The following ST6GALNAC4 variants were observed in gnomAD, a reference collection of about 807,000 sequenced individuals.
ST6GALNAC4 encodes the protein alpha-N-acetyl-neuraminyl-2,3-beta-galactosyl-1,3-N-acetyl-galactosaminide alpha-2,6-sialyltransferase.
Under a neutral mutation model 30.4 loss-of-function variants are expected in ST6GALNAC4, and 24 were observed. The ratio of observed to expected loss-of-function variants is 0.79; its 90% CI spans 0.57 to 1.11. ST6GALNAC4 has a LOEUF of 1.11. ST6GALNAC4 is among the 50% of genes most tolerant of loss of function. ST6GALNAC4 has a pLI of 0.00. For synonymous variants in ST6GALNAC4, 156 were observed against 179.7 expected (o/e 0.87, Z 1.05); for missense variants, 365 against 430.1 (o/e 0.85, Z 1.34).
In ST6GALNAC4 at chr9:127,908,248, T is replaced by A; in HGVS notation, c.*144A>T. Reference sequence around the variant, plus strand: ...GAGATGGCTCCAAGTGTCGCCAGAATGGGGCGGGAAGGAACCTTAGGTCCA... The same window carrying A: ...GAGATGGCTCCAAGTGTCGCCAGAAAGGGGCGGGAAGGAACCTTAGGTCCA... On this transcript the variant is annotated 3_prime_UTR_variant, in exon 6 of 6. Transcript: ENST00000335791. 1.5e-6 allele frequency: 1 copy of A among 677,734 alleles called. No individual in the cohort carries two copies. The highest frequency in any genetic ancestry group is 2.1e-6 in the Non-Finnish European group (1 of 468,194). The allele number at this position is 677,734 out of a possible 1,614,324, so 42.0% of individuals were successfully genotyped here.
At chr9:127,912,082 T>A (rs1417781394) in intron 4 of ST6GALNAC4, among the ~76,000 whole-genome samples, 186 bp downstream of exon 4, 11 of 152,210 alleles carry the variant, frequency 7.2e-5, no homozygotes, top group Admixed American at 2.0e-4. Context: ...ATTCTAGATC[T>A]GTGTGACAGT....
chr9:127,908,326 T>A lies in ST6GALNAC4; in HGVS notation c.*66A>T. The A allele has an allele frequency of 7.0e-7, 1 of 1,427,776 alleles. No individual in the cohort carries two copies. The highest frequency in any genetic ancestry group is 1.5e-5 in the South Asian group (1 of 64,554). 88.4% of individuals were successfully genotyped at this position (1,427,776 alleles called of 1,614,324 possible). A position where few individuals can be genotyped will look rare whatever the true frequency, so the allele number is the denominator to read the frequency against. On this transcript the variant is annotated 3_prime_UTR_variant, in exon 6 of 6. Transcript: ENST00000335791. Reference sequence around the variant, plus strand: ...ATAAATTAAATGTTTTTGTGGAGTGTGATGGCTTGGGATGGGACATCCCGG... The same window carrying A: ...ATAAATTAAATGTTTTTGTGGAGTGAGATGGCTTGGGATGGGACATCCCGG...
chr9:127,908,200 C>T lies in ST6GALNAC4; in HGVS notation c.*192G>A, dbSNP rs1272410116. 13 of 275,698 alleles carry T rather than the reference C, an allele frequency of 4.7e-5. No homozygotes were observed. The allele number at this position is 275,698 out of a possible 1,614,324, so 17.1% of individuals were successfully genotyped here. On this transcript the variant is annotated 3_prime_UTR_variant, in exon 6 of 6. Coordinates refer to ENST00000335791, the MANE Select transcript of ST6GALNAC4 (RefSeq NM_175039.4). ...GGGGGAGACACGGCTCCCCCCTCCACTCCCCTTCAAGTCATGAGGCCTGAG... is the reference window on the plus strand; with the variant it reads ...GGGGGAGACACGGCTCCCCCCTCCATTCCCCTTCAAGTCATGAGGCCTGAG...
intron 4 of ST6GALNAC4, among the ~76,000 whole-genome samples, chr9:127,911,963 TAGAC>T (rs1251052257): frequency 6.6e-6 from 1 of 152,232 alleles, no homozygotes; most frequent in African/African-American, 2.4e-5. Flanking sequence ...GAGACCAAGT[TAGAC>T]AGACCATTCC....
Position 127,914,864 on chromosome 9 carries a change from G to C in ST6GALNAC4, c.13-23C>G, listed in dbSNP as rs375730478. On this transcript the variant is annotated intron_variant, in intron 2 of 5. Transcript: ENST00000335791. ...ACCCTGAGGGAGACAGTGGCCATGG[G>C]GGGGTGTATGTGGGGAGGGGCTCCC... 2.2e-5 allele frequency: 32 copies of C among 1,449,872 alleles called. No individual in the cohort carries two copies. In the African/African-American group the frequency reaches 2.6e-4, roughly 12 times the overall value. The allele number at this position is 1,449,872 out of a possible 1,614,324, so 89.8% of individuals were successfully genotyped here. A position where few individuals can be genotyped will look rare whatever the true frequency, so the allele number is the denominator to read the frequency against.
Position 127,912,581 on chromosome 9 carries a change from C to T in ST6GALNAC4, c.298G>A (p.Val100Met), listed in dbSNP as rs764607427. 1.7e-5 allele frequency: 27 copies of T among 1,611,808 alleles called. No individual in the cohort carries two copies. The highest frequency in any genetic ancestry group is 2.2e-5 in the East Asian group (1 of 44,886). ...LGAEIDSAEC[V>M]FRMNQAPTVG... is the part of the protein sequence containing the mutation. ...GTGGGCGCCTGGTTCATGCGGAACA[C>T]GCACTCGGCACTGTCGATCTCAGCA... is the stretch of plus-strand genomic sequence containing the variant. Residue 100 changes from valine to methionine, a missense_variant, in exon 4 of 6, where the codon GTG becomes ATG. Coordinates refer to ENST00000335791, the MANE Select transcript of ST6GALNAC4 (RefSeq NM_175039.4).
chr9:127,910,753 C>T (rs1035573163), intron 4 of ST6GALNAC4, among the ~76,000 whole-genome samples: 1 of 152,192 alleles, frequency 6.6e-6, no homozygotes, highest in East Asian at 1.9e-4. Flanking sequence ...TGAGCCCCAC[C>T]CAGGCCCTGT....
intron 3 of ST6GALNAC4, 48 bp downstream of exon 3, chr9:127,914,608 A>G: frequency 3.3e-6 from 5 of 1,500,890 alleles, no homozygotes; most frequent in Admixed American, 2.1e-5. Context: ...GTTTGGGACA[A>G]GCCCAGCTCT....
chr9:127,911,650 C>T (rs1376213907), intron 4 of ST6GALNAC4, among the ~76,000 whole-genome samples: 1 of 152,198 alleles, frequency 6.6e-6, no homozygotes, highest in East Asian at 1.9e-4. Context: ...CCACACCCGG[C>T]TAATTTTTGT....
intron 5 of ST6GALNAC4, among the ~76,000 whole-genome samples, chr9:127,909,190 C>A (rs1018180812): frequency 1.3e-5 from 2 of 152,090 alleles, no homozygotes; most frequent in South Asian, 2.1e-4. Context: ...GAGTTCCAGA[C>A]CAGCCTGGCC....
In ST6GALNAC4 at chr9:127,916,423, G is replaced by A; in HGVS notation, c.-4C>T. On this transcript the variant is annotated 5_prime_UTR_variant, in exon 2 of 6. Transcript: ENST00000335791. ...TCCCACTTACCGGAGCCTTCATGCT[G>A]TCGCTGTCCCTCAGTAGTCTAGGGG... The A allele has an allele frequency of 1.2e-6, 2 of 1,614,198 alleles. No homozygotes were observed. Among genetic ancestry groups the A allele is most frequent in the Non-Finnish European group, 1.7e-6 (2 of 1,180,032 alleles).
At chr9:127,915,220 G>A (rs1831170527) in intron 2 of ST6GALNAC4, among the ~76,000 whole-genome samples, 1 of 152,222 alleles carries the variant, frequency 6.6e-6, no homozygotes, top group African/African-American at 2.4e-5. Flanking sequence ...CTCTGGGCCT[G>A]TTTCCTCCTC....
At chr9:127,910,128 C>T in intron 4 of ST6GALNAC4, 70 bp from the exon 5 acceptor site, 6 of 1,572,794 alleles carry the variant, frequency 3.8e-6, no homozygotes, top group Non-Finnish European at 5.2e-6. Context: ...GCCCCAGCAG[C>T]ACTTGGTACT....
At chr9:127,913,879 A>G (rs1455948722) in intron 3 of ST6GALNAC4, among the ~76,000 whole-genome samples, 1 of 152,164 alleles carries the variant, frequency 6.6e-6, no homozygotes, top group Non-Finnish European at 1.5e-5. Context: ...GCTCACCAGG[A>G]TGTACCCCGG....
At chr9:127,910,230 G>T in intron 4 of ST6GALNAC4, 172 bp from the exon 5 acceptor site, 1 of 1,411,452 alleles carries the variant, frequency 7.1e-7, no homozygotes, top group Non-Finnish European at 9.2e-7. Context: ...CCAGCAGTGG[G>T]TGACAGGCAG....
At chr9:127,914,921 T>C in intron 2 of ST6GALNAC4, 80 bp from the exon 3 acceptor site, 1 of 1,323,724 alleles carries the variant, frequency 7.6e-7, no homozygotes, top group South Asian at 1.7e-5. Flanking sequence ...CCTGGCCTCC[T>C]GGGTCTAGAG....
intron 4 of ST6GALNAC4, 88 bp from the exon 5 acceptor site, chr9:127,910,146 C>T (rs942167171): frequency 2.6e-6 from 4 of 1,535,100 alleles, no homozygotes; most frequent in Non-Finnish European, 3.5e-6. Context: ...ACTTTGCCAG[C>T]CCGGGGCTAT....
rs76082469 is a variant in ST6GALNAC4 at position 127,914,797 on chromosome 9, G to A, written c.57C>T (p.Ala19=). 55 of 1,586,508 alleles carry A rather than the reference G, an allele frequency of 3.5e-5. No homozygotes were observed. In the African/African-American group the frequency reaches 5.9e-4, roughly 17 times the overall value. Reference sequence around the variant, plus strand: ...CCCAGCAGCACAGGAGGATGTAGACGGCAGAGAAGACCACGGAGCACAGGA... The same window carrying A: ...CCCAGCAGCACAGGAGGATGTAGACAGCAGAGAAGACCACGGAGCACAGGA... The part of the protein sequence containing the change: ...LIILCSVVFS[A]VYILLCCWAG... Residue 19 remains alanine (A), a synonymous_variant, in exon 3 of 6, where the codon GCC becomes GCT. Coordinates refer to ENST00000335791, the MANE Select transcript of ST6GALNAC4 (RefSeq NM_175039.4).
chr9:127,915,191 G>A (rs540077858), intron 2 of ST6GALNAC4, among the ~76,000 whole-genome samples: 3 of 152,216 alleles, frequency 2.0e-5, no homozygotes, highest in African/African-American at 2.4e-5. Flanking sequence ...TGTACTGTGC[G>A]ACCTATGGCT....
Sources: gnomAD v4.1 joint callset for allele counts (sites outside exome capture counted in the v4.1 genomes callset) on GRCh38, gnomAD v4.1.1 for gene constraint, MANE v1.5 for transcripts, NCBI Gene and HGNC (gene_info 2026-07-23, HGNC 2026-07-21) for gene names.